The following ANK1 variants were observed in gnomAD, a reference collection of about 807,000 sequenced individuals.
ANK1 encodes the protein ankyrin-1.
In ANK1, 51 loss-of-function variants were observed where a neutral mutation model predicts 210.4. The ratio of observed to expected loss-of-function variants is 0.24; its 90% CI spans 0.19 to 0.31. The LOEUF is 0.31. Ranked by LOEUF, ANK1 falls within the 10% of genes least tolerant of loss-of-function variation. ANK1 has a pLI of 1.00. For missense variants in ANK1, 2,051 were observed against 2,504.4 expected, an observed-to-expected ratio of 0.82 and a Z score of 3.86; for synonymous variants, 967 against 1,025.9, an observed-to-expected ratio of 0.94 and a Z score of 1.10.
intron 1 of ANK1, among the ~76,000 whole-genome samples, chr8:41,782,867 T>C (rs796087225): frequency 4.6e-5 from 7 of 152,358 alleles, no homozygotes; most frequent in African/African-American, 1.4e-4. Flanking sequence ...GATCATTAGA[T>C]GCTGGCTGAT....
At chr8:41,682,216 G>A (rs866067225) in intron 37 of ANK1, among the ~76,000 whole-genome samples, 5 of 150,996 alleles carry the variant, frequency 3.3e-5, no homozygotes, top group South Asian at 4.2e-4. Context: ...TCCTGTGAAC[G>A]CATCAGGAAA....
intron 2 of ANK1, among the ~76,000 whole-genome samples, chr8:41,745,895 G>T (rs1657): frequency 0.86 from 131,190 of 152,114 alleles, 56,711 homozygotes; most frequent in Non-Finnish European, 0.89. Context: ...TTAAATTATT[G>T]ATTTGTTCTG....
chr8:41,812,641 T>C (rs549386756), intron 1 of ANK1, among the ~76,000 whole-genome samples: 1 of 152,326 alleles, frequency 6.6e-6, no homozygotes, highest in South Asian at 2.1e-4. Flanking sequence ...ATAACCAGCA[T>C]GAAATATACC....
intron 1 of ANK1, among the ~76,000 whole-genome samples, chr8:41,886,260 C>T (rs918437998): frequency 6.6e-6 from 1 of 152,160 alleles, no homozygotes; most frequent in Non-Finnish European, 1.5e-5. Flanking sequence ...GAGGCATTGT[C>T]CTGCCATTTA....
intron 40 of ANK1, among the ~76,000 whole-genome samples, chr8:41,663,006 C>T (rs936847191): frequency 6.6e-6 from 1 of 152,044 alleles, no homozygotes; most frequent in African/African-American, 2.4e-5. Flanking sequence ...ACTTGAACTG[C>T]TGGGTTTAAG....
At position 41,716,939 on chromosome 8, in the gene ANK1, C is replaced by A. The variant is rs1827843666; in HGVS notation, c.1404+14G>T. The A allele has an allele frequency of 6.2e-7, 1 of 1,609,476 alleles. No homozygotes were observed. ...CACATCTGAAACCCTTCCCTTCCTG[C>A]CTTCACTACTCACCTTGGCCTTGGC... On this transcript the variant is annotated intron_variant, in intron 13 of 42. Transcript: ENST00000289734.
rs538214787 is a variant in ANK1 at position 41,849,186 on chromosome 8, C to A, written c.126+47169G>T. ...CCTCTGCCCATCTTCGAAGGCCTAACGGAAACCTTCTGGGTGAGGCTGCCC... is the reference window on the plus strand; with the variant it reads ...CCTCTGCCCATCTTCGAAGGCCTAAAGGAAACCTTCTGGGTGAGGCTGCCC... On this transcript the variant is annotated intron_variant, in intron 1 of 42. Transcript: ENST00000265709. Among the ~76,000 whole-genome samples the A allele has an allele frequency of 2.0e-5, 3 of 152,330 alleles. No individual in the cohort carries two copies. The East Asian group carries it at 5.8e-4, about 29-fold the overall frequency.
chr8:41,857,594 C>T (rs1307251305), intron 1 of ANK1, among the ~76,000 whole-genome samples: 1 of 152,022 alleles, frequency 6.6e-6, no homozygotes, highest in African/African-American at 2.4e-5. Context: ...CAAAATTAGC[C>T]AGGCATGGTG....
chr8:41,699,779 C>T (rs1447632933), intron 22 of ANK1, among the ~76,000 whole-genome samples: 3 of 152,206 alleles, frequency 2.0e-5, no homozygotes, highest in African/African-American at 7.2e-5. Context: ...TGAGGCTTTG[C>T]AGGAGGCCAA....
chr8:41,788,294 G>T (rs1252103387), intron 1 of ANK1, among the ~76,000 whole-genome samples: 1 of 152,168 alleles, frequency 6.6e-6, no homozygotes, highest in Non-Finnish European at 1.5e-5. Flanking sequence ...ACTGACCGGA[G>T]AACACAAGTG....
chr8:41,737,430 G>A (rs1377875880), intron 2 of ANK1, among the ~76,000 whole-genome samples: 1 of 152,152 alleles, frequency 6.6e-6, no homozygotes, highest in Non-Finnish European at 1.5e-5. Context: ...CTCGGCAATT[G>A]ATCTCTAGGA....
At chr8:41,725,981 G>T (rs1225651237) in intron 5 of ANK1, 35 bp from the exon 6 acceptor site, 1 of 1,604,392 alleles carries the variant, frequency 6.2e-7, no homozygotes, top group Non-Finnish European at 8.5e-7. Flanking sequence ...GCTCTGACTC[G>T]TCTGACGCCA....
At chr8:41,783,830 A>G (rs1845810930) in intron 1 of ANK1, among the ~76,000 whole-genome samples, 1 of 152,180 alleles carries the variant, frequency 6.6e-6, no homozygotes, top group South Asian at 2.1e-4. Context: ...TGGGAGGCCA[A>G]AGTGGGAGGA....
chr8:41,692,323 T>C (rs1475103025), intron 31 of ANK1, among the ~76,000 whole-genome samples: 1 of 152,228 alleles, frequency 6.6e-6, no homozygotes, highest in African/African-American at 2.4e-5. Context: ...TTTCAAAGTG[T>C]TGAGATGAAA....
At chr8:41,673,666 G>A (rs1813225839) in intron 37 of ANK1, among the ~76,000 whole-genome samples, 1 of 152,208 alleles carries the variant, frequency 6.6e-6, no homozygotes, top group Non-Finnish European at 1.5e-5. Flanking sequence ...CAAGAGCCCT[G>A]AGCTGCTTGT....
intron 1 of ANK1, among the ~76,000 whole-genome samples, chr8:41,886,608 G>A (rs1469779610): frequency 1.3e-5 from 2 of 152,210 alleles, no homozygotes; most frequent in African/African-American, 2.4e-5. Context: ...GCGTTCTGAC[G>A]GAGGACTTGA....
At chr8:41,768,297 GT>G (rs1264124312) in intron 1 of ANK1, among the ~76,000 whole-genome samples, 2 of 152,200 alleles carry the variant, frequency 1.3e-5, no homozygotes, top group African/African-American at 2.4e-5. Context: ...GATCATAGGT[GT>G]TTTGTATCAT....
At chr8:41,890,879 C>A (rs1377290391) in intron 1 of ANK1, among the ~76,000 whole-genome samples, 1 of 152,044 alleles carries the variant, frequency 6.6e-6, no homozygotes. Flanking sequence ...AGAAAAAAAA[C>A]CTGTACTAGT....
At chr8:41,686,347 C>T in intron 35 of ANK1, 64 bp from the exon 36 acceptor site, 2 of 1,608,880 alleles carry the variant, frequency 1.2e-6, no homozygotes, top group Admixed American at 1.7e-5. Flanking sequence ...GGGCCTCCAG[C>T]ACACAGGCTG....
Sources: gnomAD v4.1 joint callset for allele counts (sites outside exome capture counted in the v4.1 genomes callset) on GRCh38, gnomAD v4.1.1 for gene constraint, MANE v1.5 for transcripts, NCBI Gene and HGNC (gene_info 2026-07-23, HGNC 2026-07-21) for gene names.